The following DLGAP2 variants were observed in gnomAD, a reference collection of about 807,000 sequenced individuals.
The protein encoded by DLGAP2 is DLG associated protein 2, also known as disks large-associated protein 2.
Under a neutral mutation model 100.3 loss-of-function variants are expected in DLGAP2, and 26 were observed. The observed-to-expected ratio is 0.26, with a 90% CI of 0.19 to 0.36. DLGAP2 has a LOEUF of 0.36. DLGAP2 is among the 10% of genes least tolerant of loss of function. The pLI is 1.00. For missense variants in DLGAP2, 1,858 were observed against 1,453.2 expected (o/e 1.28, Z -4.53); for synonymous variants, 886 against 630.1 (o/e 1.41, Z -6.08).
chr8:1,479,115 G>C (rs1230642410), intron 3 of DLGAP2, among the ~76,000 whole-genome samples: 2 of 152,276 alleles, frequency 1.3e-5, no homozygotes, highest in African/African-American at 4.8e-5. Flanking sequence ...AGCCCAGGCA[G>C]GGGGGCAACG....
chr8:1,286,365 G>A (rs76347666), intron 3 of DLGAP2, among the ~76,000 whole-genome samples: 56 of 152,260 alleles, frequency 3.7e-4, no homozygotes, highest in Middle Eastern at 3.4e-3. Context: ...TGTGACAGCC[G>A]ACTAATATAC....
At chr8:1,238,438 C>A (rs1226675371) in intron 2 of DLGAP2, among the ~76,000 whole-genome samples, 2 of 130,444 alleles carry the variant, frequency 1.5e-5, no homozygotes, top group African/African-American at 5.7e-5. Context: ...GTTTCTAGTT[C>A]TCTCACATGG....
At chr8:1,277,175 C>A (rs1196507157) in intron 3 of DLGAP2, among the ~76,000 whole-genome samples, 3 of 152,168 alleles carry the variant, frequency 2.0e-5, no homozygotes, top group Non-Finnish European at 4.4e-5. Context: ...TATAGTGTTT[C>A]ATTCAAAGTG....
intron 8 of DLGAP2, among the ~76,000 whole-genome samples, chr8:1,651,535 A>G (rs1436294965): frequency 6.6e-6 from 1 of 152,206 alleles, no homozygotes; most frequent in Non-Finnish European, 1.5e-5. Context: ...GGCAGCGGGC[A>G]TAGCTCCAGC....
chr8:1,066,553 C>T (rs185019741), intron 2 of DLGAP2, among the ~76,000 whole-genome samples: 125 of 149,714 alleles, frequency 8.3e-4, no homozygotes, highest in Non-Finnish European at 1.6e-3. Context: ...CAGTTCCCTA[C>T]CACGGTCAGG....
intron 4 of DLGAP2, among the ~76,000 whole-genome samples, chr8:1,520,881 G>A (rs150616448): frequency 1.3e-5 from 2 of 152,314 alleles, no homozygotes; most frequent in African/African-American, 2.4e-5. Flanking sequence ...ACCTGGGGGC[G>A]TGATTGCTGG....
At chr8:1,062,280 G>A (rs1055567801) in intron 2 of DLGAP2, among the ~76,000 whole-genome samples, 1 of 152,158 alleles carries the variant, frequency 6.6e-6, no homozygotes, top group African/African-American at 2.4e-5. Flanking sequence ...TGCCTGCCAC[G>A]CTGCTGCAGT....
intron 1 of DLGAP2, among the ~76,000 whole-genome samples, chr8:818,072 T>C (rs897158963): frequency 2.6e-4 from 40 of 152,118 alleles, no homozygotes; most frequent in African/African-American, 9.2e-4. Flanking sequence ...CAAGATATTA[T>C]GACCTCTGTT....
chr8:1,450,584 G>A (rs1234001658), intron 3 of DLGAP2, among the ~76,000 whole-genome samples: 1 of 152,068 alleles, frequency 6.6e-6, no homozygotes. Flanking sequence ...GTGAACCATG[G>A]CCCCAGGGCT....
chr8:1,645,864 G>A (rs1464159693), intron 8 of DLGAP2, among the ~76,000 whole-genome samples: 1 of 152,146 alleles, frequency 6.6e-6, no homozygotes, highest in Non-Finnish European at 1.5e-5. Context: ...TTCCTGTGAA[G>A]CATCACATGG....
chr8:872,477 G>A (rs1362057707), intron 1 of DLGAP2, among the ~76,000 whole-genome samples: 1 of 151,976 alleles, frequency 6.6e-6, no homozygotes, highest in African/African-American at 2.4e-5. Flanking sequence ...GGGATTACAG[G>A]CATGTGCCAC....
intron 3 of DLGAP2, among the ~76,000 whole-genome samples, chr8:1,453,645 A>G (rs142357717): frequency 2.0e-4 from 30 of 152,240 alleles, no homozygotes; most frequent in African/African-American, 7.0e-4. Context: ...CTGTGCCTGC[A>G]ACACCACCAT....
intron 5 of DLGAP2, among the ~76,000 whole-genome samples, chr8:1,551,045 C>A (rs1006733394): frequency 6.6e-6 from 1 of 152,228 alleles, no homozygotes; most frequent in Non-Finnish European, 1.5e-5. Context: ...GCAAATCCTT[C>A]CAGTGGCACC....
chr8:895,784 A>C (rs1044782428), intron 1 of DLGAP2, among the ~76,000 whole-genome samples: 1 of 151,456 alleles, frequency 6.6e-6, no homozygotes, highest in Non-Finnish European at 1.5e-5. Context: ...AGAGGTGTCA[A>C]TCCCCAGGGT....
chr8:1,580,707 G>T (rs1292076470), intron 6 of DLGAP2, among the ~76,000 whole-genome samples: 1 of 151,972 alleles, frequency 6.6e-6, no homozygotes, highest in Non-Finnish European at 1.5e-5. Flanking sequence ...ACTACCAGAA[G>T]TGAAGGATAC....
intron 3 of DLGAP2, among the ~76,000 whole-genome samples, chr8:1,391,631 A>T (rs1026484924): frequency 1.3e-5 from 2 of 152,196 alleles, no homozygotes; most frequent in African/African-American, 4.8e-5. Context: ...TGGGCAGGGG[A>T]CTGCTCTAGA....
At chr8:1,310,239 C>CA (rs1015880605) in intron 3 of DLGAP2, among the ~76,000 whole-genome samples, 4 of 151,824 alleles carry the variant, frequency 2.6e-5, no homozygotes, top group Admixed American at 2.0e-4. Context: ...AAAAAATCCA[C>CA]AAAAAAGACA....
At chr8:874,216 A>G (rs1797649089) in intron 1 of DLGAP2, among the ~76,000 whole-genome samples, 1 of 151,464 alleles carries the variant, frequency 6.6e-6, no homozygotes, top group Non-Finnish European at 1.5e-5. Context: ...CTGTTTTAAT[A>G]TTATTATTTT....
At chr8:1,422,520 A>G (rs1018351857) in intron 3 of DLGAP2, among the ~76,000 whole-genome samples, 1 of 151,454 alleles carries the variant, frequency 6.6e-6, no homozygotes, top group Admixed American at 6.6e-5. Flanking sequence ...TCTTGATCCC[A>G]TGAAGGCAGA....
Sources: allele counts gnomAD v4.1 joint callset (sites outside exome capture counted in the v4.1 genomes callset), GRCh38; gene constraint gnomAD v4.1.1; transcripts MANE v1.5; gene names NCBI Gene and HGNC (gene_info 2026-07-23, HGNC 2026-07-21).